Variants in ZNF517 observed in about 807,000 individuals in gnomAD.
ZNF517 encodes the protein zinc finger protein 517.
Under a neutral mutation model 12.1 loss-of-function variants are expected in ZNF517, and 12 were observed. That is an observed-to-expected ratio of 0.99 (90% CI 0.63 to 1.61). The LOEUF (loss-of-function observed/expected upper bound fraction) is 1.61. Ranked by LOEUF, ZNF517 falls within the 40% of genes most tolerant of loss-of-function variation. The pLI is 0.00. For synonymous variants in ZNF517, 388 were observed against 310.2 expected (o/e 1.25, Z -2.63); for missense variants, 781 against 693.2 (o/e 1.13, Z -1.42).
intron 4 of ZNF517, among the ~76,000 whole-genome samples, chr8:144,805,124 G>A (rs1827154216): frequency 6.6e-6 from 1 of 152,182 alleles, no homozygotes; most frequent in African/African-American, 2.4e-5. Context: ...CCAGGCACTG[G>A]GGTTACTGCT....
At chr8:144,803,007 T>A in intron 2 of ZNF517, 60 bp downstream of exon 2, 1 of 1,606,908 alleles carries the variant, frequency 6.2e-7, no homozygotes, top group African/African-American at 1.3e-5. Context: ...TAGCCTCAGC[T>A]TTTCAGCCCT....
At chr8:144,811,250 C>T (rs117131986), downstream of ZNF517, 2 of 152,408 alleles carry the variant, frequency 1.3e-5, no homozygotes, top group African/African-American at 4.8e-5. Context: ...CCTGGAGTCC[C>T]TGCTCACCTT....
chr8:144,807,114 G>T, intron 4 of ZNF517, 77 bp from the exon 5 acceptor site: 1 of 1,491,176 alleles, frequency 6.7e-7, no homozygotes, highest in Non-Finnish European at 8.9e-7. Context: ...GAATAAAAAG[G>T]TTATGTCTTC....
downstream of ZNF517, chr8:144,810,898 C>G (rs999946914): frequency 9.2e-5 from 14 of 152,646 alleles, no homozygotes; most frequent in African/African-American, 3.4e-4. Context: ...AGCTGCAGTC[C>G]GAGTGCAGAT....
In ZNF517 at chr8:144,803,530, C is replaced by T. The variant is rs1167558924; in HGVS notation, c.34-111C>T. On this transcript the variant is annotated intron_variant, in intron 2 of 4. Coordinates refer to ENST00000359971, the MANE Select transcript of ZNF517 (RefSeq NM_213605.3). The stretch of plus-strand genomic sequence containing the variant: ...CTTTCTCTGCTGGGCCCTGTGGATG[C>T]AGCAGTGGGCAGCAAGGAGAGAGGC... 6 of 1,441,762 alleles carry T rather than the reference C, an allele frequency of 4.2e-6. No homozygotes were observed. The Admixed American group carries it at 9.2e-5, about 22-fold the overall frequency. 89.3% of individuals were successfully genotyped at this position (1,441,762 alleles called of 1,614,324 possible). A position where few individuals can be genotyped will look rare whatever the true frequency, so the allele number is the denominator to read the frequency against.
At position 144,807,383 on chromosome 8, in the gene ZNF517, A is replaced by T. The variant is rs1827285511; in HGVS notation, c.467A>T (p.His156Leu). 6.4e-7 allele frequency: 1 copy of T among 1,557,516 alleles called. No individual in the cohort carries two copies. The highest frequency in any genetic ancestry group is 2.4e-5 in the East Asian group (1 of 41,158). ...CCCACCCACCCCCGGGCTCGGGAGC[A>T]CAGCGCCTCCCCAAGGGTTCTGCAG... ...DKPTHPRARE[H>L]SASPRVLQED... Residue 156 changes from histidine (H) to leucine (L), a missense_variant, in exon 5 of 5, where the codon CAC becomes CTC. Transcript: ENST00000359971.
At chr8:144,803,513 G>C (rs2976650) in intron 2 of ZNF517, 128 bp from the exon 3 acceptor site, 37,129 of 1,332,066 alleles carry the variant, frequency 0.028, 2,169 homozygotes, top group African/African-American at 0.21. Context: ...CCCTTTCTCT[G>C]CTGGGCCCTG....
Position 144,807,580 on chromosome 8 carries a change from C to T in ZNF517, c.664C>T (p.Arg222Trp), listed in dbSNP as rs1020018402. The change falls in exon 5 of 5, where the codon CGG (arginine) becomes TGG (tryptophan). Residue 222 changes from arginine (R) to tryptophan (W), a missense_variant. Coordinates refer to ENST00000359971, the MANE Select transcript of ZNF517 (RefSeq NM_213605.3). ...KAFKQSSILL[R>W]HQLIHTEEKP... ...CTTCAAGCAAAGCTCCATCCTGCTG[C>T]GGCACCAGCTGATCCACACTGAGGA... 8 of 1,602,396 alleles carry T rather than the reference C, an allele frequency of 5.0e-6. No homozygotes were observed. The highest frequency in any genetic ancestry group is 1.1e-5 in the South Asian group (1 of 89,618).
intron 2 of ZNF517, chr8:144,803,149 T>C (rs1827049908): frequency 1.5e-6 from 1 of 673,740 alleles, no homozygotes; most frequent in South Asian, 2.1e-5. Flanking sequence ...TGGGCAGAAG[T>C]GGGCTTCCTG....
Position 144,801,048 on chromosome 8 carries a change from C to T in ZNF517, c.-45-1822C>T, listed in dbSNP as rs370522636. Among the ~76,000 whole-genome samples the T allele has an allele frequency of 5.1e-4, 77 of 152,222 alleles. 1 individual carries two copies. The East Asian group carries it at 9.7e-3, about 19-fold the overall frequency. On this transcript the variant is annotated intron_variant, in intron 1 of 4. Transcript: ENST00000359971. The stretch of plus-strand genomic sequence containing the variant: ...TTCACCATGTTGGCCAGGCTGGTCA[C>T]GAACTCCTGACTTCAAATGATCCGC...
Position 144,808,058 on chromosome 8 carries a change from C to T in ZNF517, c.1142C>T (p.Ser381Phe), listed in dbSNP as rs1481605429. The change falls in exon 5 of 5, where the codon TCC becomes TTC. Residue 381 changes from serine to phenylalanine, a missense_variant. Physicochemically the swap from Ser to Phe is radical, Grantham distance 155. Coordinates refer to ENST00000359971, the MANE Select transcript of ZNF517 (RefSeq NM_213605.3). ...TGCGGGAGGCCGTTCCGACACAACT[C>T]CCTGCTGCTGCTGCACCTGCGCCTA... ...PVCGRPFRHN[S>F]LLLLHLRLHT... 2.5e-6 allele frequency: 4 copies of T among 1,607,512 alleles called. No homozygotes were observed. The highest frequency in any genetic ancestry group is 1.7e-5 in the Admixed American group (1 of 59,374).
chr8:144,810,738 A>C, downstream of ZNF517: 1 of 155,952 alleles, frequency 6.4e-6, no homozygotes, highest in African/African-American at 2.4e-5. Flanking sequence ...TGCAGCACAC[A>C]TCTTCACACC....
intron 1 of ZNF517, 27 bp from the exon 2 acceptor site, chr8:144,802,843 T>C (rs753856326): frequency 1.9e-6 from 3 of 1,612,268 alleles, no homozygotes; most frequent in South Asian, 1.1e-5. Context: ...CTGGGCTCTT[T>C]CCACTCATGG....
In ZNF517 at chr8:144,802,991, C is replaced by T. The variant is rs116690052; in HGVS notation, c.33+44C>T. On this transcript the variant is annotated intron_variant, in intron 2 of 4. Transcript: ENST00000359971. ...CGTCCATTGCCCCAGGAGACTGCTT[C>T]GCCCCTAGCCTCAGCTTTTCAGCCC... is the stretch of plus-strand genomic sequence containing the variant. 1,049 of 1,611,534 alleles carry T rather than the reference C, an allele frequency of 6.5e-4. 9 individuals carry two copies. In the African/African-American group the frequency reaches 0.012, roughly 18 times the overall value.
At position 144,808,258 on chromosome 8, in the gene ZNF517, G is replaced by A. The variant is rs568552089; in HGVS notation, c.1342G>A (p.Gly448Ser). 54 of 1,591,698 alleles carry A rather than the reference G, an allele frequency of 3.4e-5. No individual in the cohort carries two copies. In the South Asian group the frequency reaches 5.7e-4, roughly 17 times the overall value. Residue 448 changes from glycine (G) to serine (S), a missense_variant, in exon 5 of 5, where the codon GGC becomes AGC. By Grantham distance (56) the Gly-to-Ser change is moderately conservative. Transcript: ENST00000359971. ...GAACGAGCACTACCGGCTCCACAGC[G>A]GCGAGAGGCCATACCGGTGCCGCGC... ...TLNEHYRLHS[G>S]ERPYRCRACG...
chr8:144,805,095 C>T (rs1427760806), intron 4 of ZNF517, among the ~76,000 whole-genome samples: 1 of 152,230 alleles, frequency 6.6e-6, no homozygotes, highest in African/African-American at 2.4e-5. Flanking sequence ...TCCAGGTCTG[C>T]TATGTAACTA....
At chr8:144,810,198 G>A, downstream of ZNF517, 2 of 698,170 alleles carry the variant, frequency 2.9e-6, no homozygotes, top group East Asian at 5.4e-5. Context: ...CGGAAGGGTA[G>A]CCGGTGGGGG....
chr8:144,800,924 T>G (rs937524400), intron 1 of ZNF517, among the ~76,000 whole-genome samples: 9 of 151,782 alleles, frequency 5.9e-5, no homozygotes, highest in Non-Finnish European at 1.0e-4. Flanking sequence ...AACCTCTGTC[T>G]ACTCAAGCAG....
At chr8:144,803,429 A>G in intron 2 of ZNF517, 1 of 588,428 alleles carries the variant, frequency 1.7e-6, no homozygotes. Flanking sequence ...CCCTCCCCCA[A>G]GTTCAGTTTT....
Sources: gnomAD v4.1 joint callset for allele counts (sites outside exome capture counted in the v4.1 genomes callset) on GRCh38, gnomAD v4.1.1 for gene constraint, MANE v1.5 for transcripts, NCBI Gene and HGNC (gene_info 2026-07-23, HGNC 2026-07-21) for gene names.